Variants in PALM2AKAP2 observed in about 807,000 individuals in gnomAD.
PALM2AKAP2 encodes PALM2-AKAP2 fusion protein.
A neutral mutation model predicts 71.5 loss-of-function variants in PALM2AKAP2; 37 were observed. The ratio of observed to expected loss-of-function variants is 0.52; its 90% CI spans 0.40 to 0.68. The LOEUF is 0.68. PALM2AKAP2 is among the 30% of genes least tolerant of loss of function. The pLI, the probability that PALM2AKAP2 is intolerant of heterozygous loss-of-function variation, is 0.00. For missense variants in PALM2AKAP2, 1,224 were observed against 1,191.8 expected, an observed-to-expected ratio of 1.03 and a Z score of -0.40; for synonymous variants, 468 against 478.8, an observed-to-expected ratio of 0.98 and a Z score of 0.29.
intron 3 of PALM2AKAP2, among the ~76,000 whole-genome samples, chr9:110,167,508 G>A (rs1022513040): frequency 4.6e-5 from 7 of 152,060 alleles, no homozygotes; most frequent in African/African-American, 7.2e-5. Context: ...GACCAGATAG[G>A]CTGAAGTCTC....
intron 6 of PALM2AKAP2, among the ~76,000 whole-genome samples, chr9:109,949,347 G>A (rs926635800): frequency 3.3e-5 from 5 of 152,164 alleles, no homozygotes; most frequent in African/African-American, 1.2e-4. Context: ...AAGCAAGAGA[G>A]ATGGACTCAA....
exon 2 of PALM2AKAP2, chr9:110,136,495 G>A (rs918548120): frequency 5.0e-6 from 8 of 1,613,986 alleles, no homozygotes; most frequent in Non-Finnish European, 6.8e-6. Flanking sequence ...CAGTGGTTCT[G>A]GTGGGCGGCC....
intron 1 of PALM2AKAP2, among the ~76,000 whole-genome samples, chr9:109,712,203 G>A (rs1423204916): frequency 1.3e-5 from 2 of 152,094 alleles, no homozygotes; most frequent in East Asian, 1.9e-4. Flanking sequence ...TTCTGAGGCC[G>A]AAGTTCATTG....
intron 3 of PALM2AKAP2, among the ~76,000 whole-genome samples, chr9:110,158,421 T>C (rs138755039): frequency 9.7e-4 from 148 of 152,314 alleles, no homozygotes; most frequent in Non-Finnish European, 1.9e-3. Context: ...CACACTCTAC[T>C]TGTCACTTGT....
intron 1 of PALM2AKAP2, among the ~76,000 whole-genome samples, chr9:109,662,642 GTC>G (rs986762992): frequency 6.6e-6 from 1 of 151,744 alleles, no homozygotes; most frequent in African/African-American, 2.4e-5. Context: ...TTTTTGTTGT[GTC>G]TCTGCCAGGT....
intron 1 of PALM2AKAP2, among the ~76,000 whole-genome samples, chr9:109,753,472 C>T (rs1394583586): frequency 1.3e-5 from 2 of 152,194 alleles, no homozygotes; most frequent in African/African-American, 4.8e-5. Flanking sequence ...TTCCCTAGTA[C>T]TGAAAGACAG....
At position 109,698,154 on chromosome 9, in the gene PALM2AKAP2, C is replaced by A. The variant is rs542173012; in HGVS notation, c.5+57288C>A. On this transcript the variant is annotated intron_variant, in intron 1 of 6. Coordinates refer to the PALM2AKAP2 transcript ENST00000374531. The stretch of plus-strand genomic sequence containing the variant: ...ACAGAGGTCATGACTATACAAAAAA[C>A]CTTTTTGCAGCTGAGACATGGTTGA... Among the ~76,000 whole-genome samples, 5 of 152,234 alleles carry A rather than the reference C, an allele frequency of 3.3e-5. No homozygotes were observed. The East Asian group carries it at 9.7e-4, about 29-fold the overall frequency.
chr9:109,748,256 C>G (rs550145399), intron 1 of PALM2AKAP2, among the ~76,000 whole-genome samples: 10 of 152,038 alleles, frequency 6.6e-5, no homozygotes, highest in African/African-American at 2.4e-4. Context: ...GCAAATACCC[C>G]CTATACTCTT....
intron 6 of PALM2AKAP2, among the ~76,000 whole-genome samples, chr9:110,005,444 G>T (rs989628373): frequency 2.0e-5 from 3 of 152,230 alleles, no homozygotes; most frequent in Admixed American, 6.5e-5. Context: ...CTCCTGGGGG[G>T]TGCCTCCCAG....
At chr9:109,919,927 T>C (rs936796772) in intron 3 of PALM2AKAP2, among the ~76,000 whole-genome samples, 3 of 152,186 alleles carry the variant, frequency 2.0e-5, no homozygotes, top group Non-Finnish European at 4.4e-5. Context: ...TGATCTAGGC[T>C]GGGCTTAGCT....
intron 7 of PALM2AKAP2, among the ~76,000 whole-genome samples, chr9:110,022,603 G>T (rs139725756): frequency 6.8e-6 from 1 of 148,024 alleles, no homozygotes; most frequent in Non-Finnish European, 1.5e-5. Context: ...TATACTTTAA[G>T]TTTTAGGGTA....
intron 1 of PALM2AKAP2, among the ~76,000 whole-genome samples, chr9:110,053,527 C>CAAAAAAAAAAA (rs56132919): frequency 9.9e-4 from 82 of 82,736 alleles, no homozygotes; most frequent in Non-Finnish European, 1.3e-3. Flanking sequence ...AACTCTGTCT[C>CAAAAAAAAAAA]AAAAAAAAAA....
intron 7 of PALM2AKAP2, among the ~76,000 whole-genome samples, chr9:110,020,713 T>G (rs1475775882): frequency 6.6e-6 from 1 of 151,676 alleles, no homozygotes; most frequent in East Asian, 1.9e-4. Flanking sequence ...CCCTCTCTTC[T>G]TCATAAATTA....
intron 1 of PALM2AKAP2, among the ~76,000 whole-genome samples, chr9:109,679,097 A>C (rs1366970536): frequency 6.6e-6 from 1 of 152,208 alleles, no homozygotes; most frequent in East Asian, 1.9e-4. Context: ...GTCTGAAACT[A>C]CATTAGCTTT....
At chr9:109,972,620 C>T (rs1832089508) in intron 6 of PALM2AKAP2, among the ~76,000 whole-genome samples, 1 of 152,124 alleles carries the variant, frequency 6.6e-6, no homozygotes, top group Admixed American at 6.5e-5. Flanking sequence ...ATGTTGGGAC[C>T]TCCCCTAACC....
intron 7 of PALM2AKAP2, among the ~76,000 whole-genome samples, chr9:110,042,081 T>C (rs2132463046): frequency 6.6e-6 from 1 of 152,312 alleles, no homozygotes; most frequent in Non-Finnish European, 1.5e-5. Context: ...AACAAGACCA[T>C]AGACTAACAT....
intron 6 of PALM2AKAP2, among the ~76,000 whole-genome samples, chr9:110,002,879 C>A (rs911182099): frequency 1.3e-5 from 2 of 152,088 alleles, no homozygotes; most frequent in Non-Finnish European, 2.9e-5. Flanking sequence ...GTGGTGATAT[C>A]CCCTTTATAA....
At chr9:109,679,313 G>A (rs535026888) in intron 1 of PALM2AKAP2, among the ~76,000 whole-genome samples, 2 of 152,304 alleles carry the variant, frequency 1.3e-5, no homozygotes, top group African/African-American at 4.8e-5. Context: ...AACAAGAGCA[G>A]TCAATGTGTA....
At chr9:110,052,951 T>C (rs1321293963) in intron 1 of PALM2AKAP2, among the ~76,000 whole-genome samples, 1 of 152,254 alleles carries the variant, frequency 6.6e-6, no homozygotes, top group East Asian at 1.9e-4. Flanking sequence ...TGCCCCATTT[T>C]CTTGAAAGTT....
Sources: gnomAD v4.1 joint callset for allele counts (sites outside exome capture counted in the v4.1 genomes callset) on GRCh38, gnomAD v4.1.1 for gene constraint, MANE v1.5 for transcripts, NCBI Gene and HGNC (gene_info 2026-07-23, HGNC 2026-07-21) for gene names.